The following IGFBP7 variants were observed in gnomAD, a reference collection of about 807,000 sequenced individuals.
IGFBP7 encodes insulin-like growth factor-binding protein 7.
Under a neutral mutation model 29.4 loss-of-function variants are expected in IGFBP7, and 31 were observed. The observed-to-expected ratio is 1.05, with a 90% confidence interval of 0.79 to 1.42. The LOEUF is 1.42. Ranked by LOEUF, IGFBP7 falls within the 40% of genes most tolerant of loss-of-function variation. The pLI is 0.00. For synonymous variants in IGFBP7, 172 were observed against 174.9 expected (o/e 0.98, Z 0.13); for missense variants, 393 against 395.5 (o/e 0.99, Z 0.05).
chr4:57,053,958 C>T (rs915449459), intron 1 of IGFBP7, among the ~76,000 whole-genome samples: 2 of 152,170 alleles, frequency 1.3e-5, no homozygotes, highest in African/African-American at 4.8e-5. Context: ...TGGATGGTCA[C>T]ACCTGATTCT....
rs143480624 is a variant in IGFBP7, at chr4:57,069,293, C to A, written c.476-28360G>T. Among the ~76,000 whole-genome samples, 1,069 of 152,188 alleles carry A rather than the reference C, an allele frequency of 7.0e-3. 14 individuals carry two copies. Among genetic ancestry groups the A allele is most frequent in the African/African-American group, 0.024 (1,016 of 41,534 alleles). Reference sequence around the variant, plus strand: ...GGCTGGAGGGAGCAGAAAAGAGAATCAAGACAGCAAATAGGCCTGGGGTGA... The same window carrying A: ...GGCTGGAGGGAGCAGAAAAGAGAATAAAGACAGCAAATAGGCCTGGGGTGA... On this transcript the variant is annotated intron_variant, in intron 1 of 4. Coordinates refer to ENST00000295666, the MANE Select transcript of IGFBP7 (RefSeq NM_001553.3).
intron 1 of IGFBP7, among the ~76,000 whole-genome samples, chr4:57,082,344 C>T (rs1291054575): frequency 1.3e-5 from 2 of 152,108 alleles, no homozygotes; most frequent in East Asian, 1.9e-4. Flanking sequence ...TCCCAAATCG[C>T]GGTCTCAGAG....
intron 1 of IGFBP7, among the ~76,000 whole-genome samples, chr4:57,093,675 A>G (rs945212607): frequency 6.6e-6 from 1 of 152,098 alleles, no homozygotes; most frequent in Non-Finnish European, 1.5e-5. Context: ...AATTTACTGC[A>G]TATTTTTTCC....
At chr4:57,082,284 C>A (rs143187821) in intron 1 of IGFBP7, among the ~76,000 whole-genome samples, 6 of 152,236 alleles carry the variant, frequency 3.9e-5, no homozygotes, top group African/African-American at 1.4e-4. Flanking sequence ...TGAGAGAAGG[C>A]TGAGTTTACA....
At position 57,092,667 on chromosome 4, in the gene IGFBP7, T is replaced by TTA. The variant is rs533941218; in HGVS notation, c.475+17208_475+17209dup. On this transcript the variant is annotated intron_variant, in intron 1 of 4. Coordinates refer to ENST00000295666, the MANE Select transcript of IGFBP7 (RefSeq NM_001553.3). The stretch of plus-strand genomic sequence containing the variant: ...ATCACTAATGTCAATACATAAAAAT[T>TTA]TATATATATATATATAAATCTTCAT... 1.5e-3 allele frequency among the ~76,000 whole-genome samples: 219 copies of TTA among 149,590 alleles called. 1 individual carries two copies. The highest frequency in any genetic ancestry group is 4.3e-3 in the African/African-American group (178 of 41,046).
In IGFBP7 at chr4:57,109,913, C is replaced by T. The variant is rs910704276; in HGVS notation, c.439G>A (p.Ala147Thr). 2.6e-6 allele frequency: 4 copies of T among 1,557,060 alleles called. No individual in the cohort carries two copies. The highest frequency in any genetic ancestry group is 3.5e-6 in the Non-Finnish European group (4 of 1,157,922). The change falls in exon 1 of 5, where the codon GCC becomes ACC. Residue 147 changes from alanine to threonine, a missense_variant. By Grantham distance (58) the Ala-to-Thr change is moderately conservative. Transcript: ENST00000295666. ...GTGCCCTTGCTGACCTGGGTGATGG[C>T]CTTCTCCCCGCGGCTCTCGGCCCTC... ...SQRAESRGEK[A>T]ITQVSKGTCE...
chr4:57,077,831 C>A (rs1279586437), intron 1 of IGFBP7, among the ~76,000 whole-genome samples: 1 of 152,168 alleles, frequency 6.6e-6, no homozygotes, highest in Admixed American at 6.5e-5. Context: ...GTTTGAGCCT[C>A]AGTTTTCTCA....
In IGFBP7 at chr4:57,031,265, G is replaced by A; in HGVS notation, c.*52C>T. ...AACTTATTAGGCAAGAACAGGTAATGTAGTTATCCATGACTACTTTTAACC... is the reference window on the plus strand; with the variant it reads ...AACTTATTAGGCAAGAACAGGTAATATAGTTATCCATGACTACTTTTAACC... On this transcript the variant is annotated 3_prime_UTR_variant, in exon 5 of 5. Transcript: ENST00000295666. 1 of 1,451,458 alleles carries A rather than the reference G, an allele frequency of 6.9e-7. No homozygotes were observed. Among genetic ancestry groups the A allele is most frequent in the Non-Finnish European group, 9.7e-7 (1 of 1,034,258 alleles). The allele number at this position is 1,451,458 out of a possible 1,614,324, so 89.9% of individuals were successfully genotyped here. A position where few individuals can be genotyped will look rare whatever the true frequency, so the allele number is the denominator to read the frequency against.
At chr4:57,039,330 A>G (rs781061509) in intron 2 of IGFBP7, among the ~76,000 whole-genome samples, 1 of 152,172 alleles carries the variant, frequency 6.6e-6, no homozygotes, top group Non-Finnish European at 1.5e-5. Flanking sequence ...TGATAATTAC[A>G]TGCTACTTTT....
chr4:57,095,735 A>G (rs1455509707), intron 1 of IGFBP7, among the ~76,000 whole-genome samples: 1 of 152,142 alleles, frequency 6.6e-6, no homozygotes, highest in African/African-American at 2.4e-5. Flanking sequence ...GAGTAACTAT[A>G]AGGGATAATT....
chr4:57,110,128 C>T lies in IGFBP7; in HGVS notation c.224G>A (p.Gly75Asp). The T allele has an allele frequency of 6.6e-7, 1 of 1,508,328 alleles. No individual in the cohort carries two copies. 93.4% of individuals were successfully genotyped at this position (1,508,328 alleles called of 1,614,324 possible). ...CGGCGCGCAGTACCCCCTGCCGGCGCCGCCACCCCCGCACGGCTCGCCCTC... is the reference window on the plus strand; with the variant it reads ...CGGCGCGCAGTACCCCCTGCCGGCGTCGCCACCCCCGCACGGCTCGCCCTC... Reference protein sequence around the residue: ...RGEGEPCGGGGAGRGYCAPGM... With the variant: ...RGEGEPCGGGDAGRGYCAPGM... The change falls in exon 1 of 5, where the codon GGC (glycine) becomes GAC (aspartate). Residue 75 changes from glycine (G) to aspartate (D), a missense_variant. Coordinates refer to ENST00000295666, the MANE Select transcript of IGFBP7 (RefSeq NM_001553.3).
At chr4:57,076,636 T>G (rs1384592497) in intron 1 of IGFBP7, among the ~76,000 whole-genome samples, 2 of 152,106 alleles carry the variant, frequency 1.3e-5, no homozygotes, top group Non-Finnish European at 2.9e-5. Flanking sequence ...TCTTGTGGGG[T>G]CTGAAAACCA....
intron 1 of IGFBP7, among the ~76,000 whole-genome samples, chr4:57,079,195 C>T (rs1345776255): frequency 6.6e-6 from 1 of 151,984 alleles, no homozygotes; most frequent in African/African-American, 2.4e-5. Context: ...TTTCTTCAAG[C>T]GAGGTTTATG....
In IGFBP7 at chr4:57,109,428, C is replaced by CT. The variant is rs566291915; in HGVS notation, c.475+448dup. 7.3e-4 allele frequency among the ~76,000 whole-genome samples: 111 copies of CT among 151,898 alleles called. 1 individual carries two copies. The highest frequency in any genetic ancestry group is 2.1e-3 in the African/African-American group (86 of 41,434). On this transcript the variant is annotated intron_variant, in intron 1 of 4. Transcript: ENST00000295666. ...CCTGGGCGACAGAGCAAGATCCTATCTTTTAAAAAAAAAAGTCTGTCTGGA... is the reference window on the plus strand; with the variant it reads ...CCTGGGCGACAGAGCAAGATCCTATCTTTTTAAAAAAAAAAGTCTGTCTGGA...
At chr4:57,080,601 C>A (rs1725343810) in intron 1 of IGFBP7, among the ~76,000 whole-genome samples, 1 of 152,202 alleles carries the variant, frequency 6.6e-6, no homozygotes, top group African/African-American at 2.4e-5. Flanking sequence ...GATCATGGCT[C>A]ACTGCAGCCT....
chr4:57,038,364 G>A (rs1219024986), intron 2 of IGFBP7, among the ~76,000 whole-genome samples: 1 of 152,218 alleles, frequency 6.6e-6, no homozygotes, highest in Non-Finnish European at 1.5e-5. Flanking sequence ...AGAAGAAAAT[G>A]AGACTAGTAT....
At chr4:57,082,126 G>A (rs1725385056) in intron 1 of IGFBP7, among the ~76,000 whole-genome samples, 1 of 152,134 alleles carries the variant, frequency 6.6e-6, no homozygotes, top group Admixed American at 6.5e-5. Flanking sequence ...TTAGTCCTCA[G>A]TTTTTTCATC....
chr4:57,100,617 C>T (rs981182606), intron 1 of IGFBP7, among the ~76,000 whole-genome samples: 42 of 152,186 alleles, frequency 2.8e-4, no homozygotes, highest in African/African-American at 1.0e-3. Flanking sequence ...ACAAATATAT[C>T]ATATAACCCC....
intron 1 of IGFBP7, among the ~76,000 whole-genome samples, chr4:57,069,187 G>A (rs1038090061): frequency 2.0e-5 from 3 of 152,166 alleles, no homozygotes; most frequent in Non-Finnish European, 2.9e-5. Context: ...ATCTCACCAA[G>A]ACATCTTGAG....
Sources: allele counts gnomAD v4.1 joint callset (sites outside exome capture counted in the v4.1 genomes callset), GRCh38; gene constraint gnomAD v4.1.1; transcripts MANE v1.5; gene names NCBI Gene and HGNC (gene_info 2026-07-23, HGNC 2026-07-21).